The following DNM3 variants were observed in gnomAD, a reference collection of about 807,000 sequenced individuals.
The protein encoded by DNM3 is dynamin 3.
In DNM3, 47 loss-of-function variants were observed where a neutral mutation model predicts 101.6. The ratio of observed to expected loss-of-function variants is 0.46; its 90% CI spans 0.37 to 0.59. The LOEUF (loss-of-function observed/expected upper bound fraction) is 0.59, where lower values mean the gene tolerates loss of function less well. Among genes scored for constraint, DNM3 ranks in the 20% least tolerant of loss-of-function variants. The pLI is 0.00. For missense variants in DNM3, 849 were observed against 1,085.7 expected, an observed-to-expected ratio of 0.78 and a Z score of 3.06; for synonymous variants, 385 against 387.9, an observed-to-expected ratio of 0.99 and a Z score of 0.09.
At chr1:172,176,868 A>G (rs879194888) in intron 14 of DNM3, among the ~76,000 whole-genome samples, 1 of 151,832 alleles carries the variant, frequency 6.6e-6, no homozygotes, top group Admixed American at 6.6e-5. Flanking sequence ...AGATTGATCT[A>G]TTTGGATATA....
At chr1:172,213,656 C>T (rs796624168) in intron 14 of DNM3, among the ~76,000 whole-genome samples, 82 of 151,638 alleles carry the variant, frequency 5.4e-4, no homozygotes, top group African/African-American at 1.8e-3. Context: ...AGTGAAACCC[C>T]GTCTCTACTG....
At chr1:172,120,026 T>C (rs1262320794) in intron 13 of DNM3, among the ~76,000 whole-genome samples, 3 of 152,194 alleles carry the variant, frequency 2.0e-5, no homozygotes, top group Non-Finnish European at 4.4e-5. Flanking sequence ...CCTGTATCCT[T>C]TTTCCTCTCT....
chr1:172,408,258 T>C lies in DNM3; in HGVS notation c.*417T>C, dbSNP rs952978614. On this transcript the variant is annotated 3_prime_UTR_variant, in exon 21 of 21. Coordinates refer to ENST00000627582, the MANE Select transcript of DNM3 (RefSeq NM_015569.5). ...TTCTTTTCCCACATTCTGTTTAGGA[T>C]GACAGTAATTCTGTTGTCTACCATT... The C allele has an allele frequency of 8.0e-6, 8 of 995,722 alleles. No individual in the cohort carries two copies. In the African/African-American group the frequency reaches 1.0e-4, roughly 13 times the overall value. The allele number at this position is 995,722 out of a possible 1,614,324, so 61.7% of individuals were successfully genotyped here.
chr1:172,248,634 T>A (rs2062049709), intron 14 of DNM3, among the ~76,000 whole-genome samples: 1 of 152,084 alleles, frequency 6.6e-6, no homozygotes, highest in Non-Finnish European at 1.5e-5. Flanking sequence ...GAGAAGGCGT[T>A]CCTGGCAAAT....
chr1:171,867,288 G>C (rs1316129832), intron 1 of DNM3, among the ~76,000 whole-genome samples: 1 of 152,226 alleles, frequency 6.6e-6, no homozygotes, highest in Non-Finnish European at 1.5e-5. Flanking sequence ...TTGTGAAAAT[G>C]GCTACTGGTT....
chr1:171,989,247 A>G (rs1308267670), intron 4 of DNM3, 99 bp downstream of exon 4: 82 of 1,031,904 alleles, frequency 7.9e-5, no homozygotes, highest in Non-Finnish European at 1.0e-4. Flanking sequence ...TTCATTATAA[A>G]TAAATTAGCC....
chr1:171,944,487 C>T (rs1299635054), intron 2 of DNM3, among the ~76,000 whole-genome samples: 1 of 151,570 alleles, frequency 6.6e-6, no homozygotes, highest in Non-Finnish European at 1.5e-5. Context: ...GCTATCCTCC[C>T]ACTACCCGCT....
At chr1:172,137,189 G>A (rs1002070128) in intron 14 of DNM3, 5 of 152,130 alleles carry the variant, frequency 3.3e-5, no homozygotes, top group African/African-American at 1.2e-4. Flanking sequence ...TTTGCAACAG[G>A]TGGTACAAGG....
At chr1:172,126,659 G>A (rs1300257021) in intron 13 of DNM3, among the ~76,000 whole-genome samples, 3 of 151,862 alleles carry the variant, frequency 2.0e-5, no homozygotes, top group Non-Finnish European at 4.4e-5. Context: ...AATTTATTTA[G>A]CATCACATCA....
At chr1:172,015,447 T>C (rs2125723793) in intron 4 of DNM3, among the ~76,000 whole-genome samples, 1 of 152,338 alleles carries the variant, frequency 6.6e-6, no homozygotes, top group Non-Finnish European at 1.5e-5. Context: ...ATATCTTTCA[T>C]CAGAGTTTTG....
intron 2 of DNM3, among the ~76,000 whole-genome samples, chr1:171,927,965 A>G (rs2040712490): frequency 6.6e-6 from 1 of 152,174 alleles, no homozygotes; most frequent in Admixed American, 6.5e-5. Context: ...TCATCTCTGC[A>G]TGTGGGTGTT....
intron 2 of DNM3, among the ~76,000 whole-genome samples, chr1:171,927,494 C>A (rs1369644311): frequency 6.6e-6 from 1 of 152,112 alleles, no homozygotes; most frequent in Non-Finnish European, 1.5e-5. Flanking sequence ...TGAGAAAATG[C>A]AATATTTGGT....
chr1:172,408,896 T>C lies in DNM3; in HGVS notation c.*1055T>C, dbSNP rs889730717. ...CTATGGGATAATCACATTTAAAGAA[T>C]GGTTCCTGAAATGAAGTCAGTAGAA... is the stretch of plus-strand genomic sequence containing the variant. On this transcript the variant is annotated 3_prime_UTR_variant, in exon 21 of 21. Transcript: ENST00000627582. 6.1e-6 allele frequency: 6 copies of C among 985,350 alleles called. No individual in the cohort carries two copies. Among genetic ancestry groups the C allele is most frequent in the Non-Finnish European group, 7.2e-6 (6 of 829,888 alleles). 61.0% of individuals were successfully genotyped at this position (985,350 alleles called of 1,614,324 possible). A position where few individuals can be genotyped will look rare whatever the true frequency, so the allele number is the denominator to read the frequency against.
At chr1:171,861,095 AAAG>A (rs2034131269) in intron 1 of DNM3, among the ~76,000 whole-genome samples, 1 of 152,186 alleles carries the variant, frequency 6.6e-6, no homozygotes, top group Non-Finnish European at 1.5e-5. Context: ...GAAAGAAATT[AAAG>A]AAGACCAACT....
At chr1:172,151,239 G>A (rs1242999261) in intron 14 of DNM3, among the ~76,000 whole-genome samples, 1 of 151,904 alleles carries the variant, frequency 6.6e-6, no homozygotes, top group Non-Finnish European at 1.5e-5. Flanking sequence ...GTTAGTTTTA[G>A]TGTATAGACG....
intron 1 of DNM3, among the ~76,000 whole-genome samples, chr1:171,867,785 C>T (rs972928317): frequency 1.3e-5 from 2 of 152,098 alleles, no homozygotes; most frequent in Admixed American, 6.5e-5. Context: ...TCAGTGGTAC[C>T]GTTGGTCATA....
At chr1:172,176,847 A>G (rs933944688) in intron 14 of DNM3, among the ~76,000 whole-genome samples, 3 of 151,858 alleles carry the variant, frequency 2.0e-5, no homozygotes, top group Non-Finnish European at 4.4e-5. Flanking sequence ...GACCAACTCA[A>G]AATAATAGCA....
At chr1:171,882,945 C>T (rs2036415107) in intron 1 of DNM3, among the ~76,000 whole-genome samples, 1 of 151,622 alleles carries the variant, frequency 6.6e-6, no homozygotes, top group Non-Finnish European at 1.5e-5. Context: ...AAATCAGTTA[C>T]AAAATTGAAC....
rs1266102396 is a variant in DNM3, at chr1:172,065,046, A to T, written c.1336-3773A>T. ...GAGACACACACGTGCACACAAATCA[A>T]TGCTCCTGCCAAGGCCAGTAGATTG... On this transcript the variant is annotated intron_variant, in intron 10 of 20. Coordinates refer to ENST00000627582, the MANE Select transcript of DNM3 (RefSeq NM_015569.5). 2.0e-5 allele frequency among the ~76,000 whole-genome samples: 3 copies of T among 152,148 alleles called. No individual in the cohort carries two copies. In the East Asian group the frequency reaches 5.8e-4, roughly 29 times the overall value.
Sources: gnomAD v4.1 joint callset for allele counts (sites outside exome capture counted in the v4.1 genomes callset) on GRCh38, gnomAD v4.1.1 for gene constraint, MANE v1.5 for transcripts, NCBI Gene and HGNC (gene_info 2026-07-23, HGNC 2026-07-21) for gene names.